The following XYLT2 variants were observed in gnomAD, a reference collection of about 807,000 sequenced individuals.
XYLT2 encodes xylosyltransferase 2.
Under a neutral mutation model 82.6 loss-of-function variants are expected in XYLT2, and 37 were observed. That is an observed-to-expected ratio of 0.45 (90% CI 0.34 to 0.59). The LOEUF (loss-of-function observed/expected upper bound fraction) is 0.59. Ranked by LOEUF, XYLT2 falls within the 20% of genes least tolerant of loss-of-function variation. XYLT2 has a pLI of 0.01. For synonymous variants in XYLT2, 474 were observed against 499.0 expected (o/e 0.95, Z 0.67); for missense variants, 934 against 1,181.3 (o/e 0.79, Z 3.07).
chr17:50,357,159 G>C lies in XYLT2; in HGVS notation c.1848G>C (p.Gly616=), dbSNP rs771905924. 6.2e-7 allele frequency: 1 copy of C among 1,613,360 alleles called. No homozygotes were observed. The change falls in exon 9 of 11, where the codon GGG becomes GGC. Residue 616 remains glycine (G), a synonymous_variant. Transcript: ENST00000017003. The stretch of plus-strand genomic sequence containing the variant: ...AGGCGGTGCAGCCCTCAGCCCAGGG[G>C]CCGGCAGAGACGCTTGAGATGTGGC... ...VTQAVQPSAQ[G]PAETLEMWLM... is the part of the protein sequence containing the mutation.
chr17:50,355,469 T>C (rs559254496), intron 4 of XYLT2, 32 bp from the exon 5 acceptor site: 3 of 1,608,260 alleles, frequency 1.9e-6, no homozygotes, highest in Admixed American at 1.7e-5. Flanking sequence ...AACTATCTCA[T>C]GTGGCTGCCT....
At chr17:50,356,949 G>A in intron 8 of XYLT2, 108 bp from the exon 9 acceptor site, 5 of 1,468,096 alleles carry the variant, frequency 3.4e-6, no homozygotes, top group Non-Finnish European at 4.6e-6. Flanking sequence ...GTGAGATCTG[G>A]GGAAAGGAAG....
In XYLT2 at chr17:50,353,812, C is replaced by T. The variant is rs1259723971; in HGVS notation, c.318C>T (p.Ser106=). The part of the protein sequence containing the change: ...VRAVTSRQRA[S]RRVPPAPPPE... ...CAGTAACCAGCCGGCAGAGAGCCAGCCGGCGGGTCCCACCTGCCCCACCCC... is the reference window on the plus strand; with the variant it reads ...CAGTAACCAGCCGGCAGAGAGCCAGTCGGCGGGTCCCACCTGCCCCACCCC... The change falls in exon 2 of 11, where the codon AGC becomes AGT. Residue 106 remains serine, a synonymous_variant. Transcript: ENST00000017003. 6.4e-7 allele frequency: 1 copy of T among 1,573,630 alleles called. No homozygotes were observed. The highest frequency in any genetic ancestry group is 1.2e-5 in the South Asian group (1 of 86,846).
chr17:50,353,267 G>A (rs777429993), intron 1 of XYLT2, among the ~76,000 whole-genome samples: 20 of 152,152 alleles, frequency 1.3e-4, no homozygotes, highest in Non-Finnish European at 2.4e-4. Context: ...TTGTACCCTC[G>A]GTGGGGTCTT....
intron 1 of XYLT2, among the ~76,000 whole-genome samples, chr17:50,352,749 C>T (rs1228377007): frequency 3.9e-5 from 6 of 152,234 alleles, no homozygotes; most frequent in Admixed American, 3.9e-4. Context: ...CAAGGAAGAA[C>T]CTGCTGCACA....
rs558140777 is a variant in XYLT2 at position 50,356,631 on chromosome 17, G to T, written c.1603G>T (p.Ala535Ser). The change falls in exon 8 of 11, where the codon GCC (alanine) becomes TCC (serine). Residue 535 changes from alanine (A) to serine (S), a missense_variant. By Grantham distance (99) the Ala-to-Ser change is moderately conservative. This residue lies in a region of XYLT2 where 374 missense variants were observed against 465.6 expected (regional missense o/e 0.80). Coordinates refer to ENST00000017003, the MANE Select transcript of XYLT2 (RefSeq NM_022167.4). The part of the protein sequence containing the change: ...SYPPGTPALK[A>S]YWENTYDAAD... ...CCCCCCCGGCACGCCAGCCCTCAAGGCCTACTGGGAGAACACCTACGACGC... is the reference window on the plus strand; with the variant it reads ...CCCCCCCGGCACGCCAGCCCTCAAGTCCTACTGGGAGAACACCTACGACGC... 1 of 1,614,004 alleles carries T rather than the reference G, an allele frequency of 6.2e-7. No individual in the cohort carries two copies. Among genetic ancestry groups the T allele is most frequent in the Admixed American group, 1.7e-5 (1 of 59,990 alleles).
At chr17:50,356,443 G>A in intron 7 of XYLT2, 68 bp from the exon 8 acceptor site, 2 of 1,583,112 alleles carry the variant, frequency 1.3e-6, no homozygotes, top group Non-Finnish European at 8.6e-7. Context: ...GCAGTGCTGA[G>A]GGGCCAGCCC....
At chr17:50,348,235 AACAG>A (rs1282228680) in intron 1 of XYLT2, among the ~76,000 whole-genome samples, 1 of 152,222 alleles carries the variant, frequency 6.6e-6, no homozygotes, top group African/African-American at 2.4e-5. Context: ...TACAGAGAGA[AACAG>A]ACAGCGAAAA....
rs1912062806 is a variant in XYLT2 at position 50,346,803 on chromosome 17, C to G, written c.135+528C>G. The G allele has an allele frequency of 1.0e-6, 1 of 985,262 alleles. No individual in the cohort carries two copies. Among genetic ancestry groups the G allele is most frequent in the Non-Finnish European group, 1.2e-6 (1 of 829,888 alleles). The allele number at this position is 985,262 out of a possible 1,614,324, so 61.0% of individuals were successfully genotyped here. The stretch of plus-strand genomic sequence containing the variant: ...TTCAGGCCTGGGACAAAGTGTGTAC[C>G]CGGGAACTGAAGGAACAGGGAGTGA... On this transcript the variant is annotated intron_variant, in intron 1 of 10. Transcript: ENST00000017003. This position sits in a 1 kb window ranked among gnomAD's most constrained non-coding sequence, Gnocchi z 5.1.
chr17:50,356,373 A>G, intron 7 of XYLT2, 112 bp downstream of exon 7: 1 of 1,550,278 alleles, frequency 6.5e-7, no homozygotes, highest in Non-Finnish European at 8.7e-7. Flanking sequence ...GCCTGCAGCA[A>G]CCCTCAGGGG....
chr17:50,360,925 G>C lies in XYLT2; in HGVS notation c.*634G>C, dbSNP rs146505862. On this transcript the variant is annotated 3_prime_UTR_variant, in exon 11 of 11. Coordinates refer to ENST00000017003, the MANE Select transcript of XYLT2 (RefSeq NM_022167.4). ...CAGGGGACCCTAGAAGTGGGGTGGGGCGGCTCCAGGGCTTTCCAGCATACC... is the reference window on the plus strand; with the variant it reads ...CAGGGGACCCTAGAAGTGGGGTGGGCCGGCTCCAGGGCTTTCCAGCATACC... The C allele has an allele frequency of 3.2e-4, 319 of 985,986 alleles. No homozygotes were observed. In the African/African-American group the frequency reaches 4.0e-3, roughly 12 times the overall value. 61.1% of individuals were successfully genotyped at this position (985,986 alleles called of 1,614,324 possible). A position where few individuals can be genotyped will look rare whatever the true frequency, so the allele number is the denominator to read the frequency against.
Position 50,354,134 on chromosome 17 carries a change from G to C in XYLT2, c.628+12G>C. On this transcript the variant is annotated intron_variant, in intron 2 of 10. Coordinates refer to ENST00000017003, the MANE Select transcript of XYLT2 (RefSeq NM_022167.4). ...CTGTCAGCTGACTGGTGAGGGACAG[G>C]GGTGCTCCAGCCCTTCCCAGGCGGG... 6.2e-7 allele frequency: 1 copy of C among 1,601,134 alleles called. No individual in the cohort carries two copies. Among genetic ancestry groups the C allele is most frequent in the African/African-American group, 1.3e-5 (1 of 75,034 alleles).
In XYLT2 at chr17:50,360,752, A is replaced by AG; in HGVS notation, c.*464dup. On this transcript the variant is annotated 3_prime_UTR_variant, in exon 11 of 11. Coordinates refer to ENST00000017003, the MANE Select transcript of XYLT2 (RefSeq NM_022167.4). ...CGAGGCTGGGCCTGCCTCACTCTCCAGGGCCTCATGCCCCATTCTGGGCCT... is the reference window on the plus strand; with the variant it reads ...CGAGGCTGGGCCTGCCTCACTCTCCAGGGGCCTCATGCCCCATTCTGGGCCT... 2.0e-6 allele frequency: 2 copies of AG among 987,582 alleles called. No homozygotes were observed. The highest frequency in any genetic ancestry group is 2.4e-6 in the Non-Finnish European group (2 of 831,306). The allele number at this position is 987,582 out of a possible 1,614,324, so 61.2% of individuals were successfully genotyped here.
At chr17:50,357,742 ATT>A in intron 9 of XYLT2, 2 of 156,142 alleles carry the variant, frequency 1.3e-5, no homozygotes, top group Non-Finnish European at 2.8e-5. Flanking sequence ...CGCCCAGCTA[ATT>A]TTTTTTTTTG....
At chr17:50,348,064 ACT>A (rs932912319) in intron 1 of XYLT2, among the ~76,000 whole-genome samples, 2 of 152,108 alleles carry the variant, frequency 1.3e-5, no homozygotes, top group African/African-American at 2.4e-5. Flanking sequence ...TAAATAAATA[ACT>A]CTTATTATCC....
chr17:50,356,848 TC>T, intron 8 of XYLT2, 75 bp downstream of exon 8: 1 of 1,533,024 alleles, frequency 6.5e-7, no homozygotes, highest in East Asian at 2.3e-5. Context: ...GAGAGTGACG[TC>T]CCCTGCCCAC....
intron 3 of XYLT2, 39 bp from the exon 4 acceptor site, chr17:50,354,815 A>G (rs755816240): frequency 6.8e-6 from 11 of 1,608,860 alleles, no homozygotes; most frequent in Admixed American, 1.7e-5. Context: ...GGGGATGGCG[A>G]TAACACTGGA....
intron 1 of XYLT2, among the ~76,000 whole-genome samples, chr17:50,349,157 C>T (rs1024239678): frequency 5.9e-5 from 9 of 152,242 alleles, no homozygotes; most frequent in African/African-American, 2.2e-4. Context: ...GCCCTGCCCT[C>T]CTGACCAGCT....
intron 1 of XYLT2, among the ~76,000 whole-genome samples, chr17:50,351,181 C>T (rs1006162097): frequency 2.6e-5 from 4 of 151,992 alleles, no homozygotes; most frequent in East Asian, 1.9e-4. Context: ...GTGATGAGAA[C>T]GGAATTTAGG....
Sources: gnomAD v4.1 joint callset for allele counts (sites outside exome capture counted in the v4.1 genomes callset) on GRCh38, gnomAD v4.1.1 for gene constraint, gnomAD v4.1.1 regional missense constraint, Gnocchi (gnomAD v3.1) non-coding constraint, MANE v1.5 for transcripts, NCBI Gene and HGNC (gene_info 2026-07-23, HGNC 2026-07-21) for gene names.